Variants in ANKS1B observed in about 807,000 individuals in gnomAD.
ANKS1B encodes the protein ankyrin repeat and sterile alpha motif domain containing 1B, also known as ankyrin repeat and sterile alpha motif domain-containing protein 1B.
A neutral mutation model predicts 148.3 loss-of-function variants in ANKS1B; 36 were observed. The observed-to-expected ratio is 0.24, with a 90% confidence interval of 0.19 to 0.32. The LOEUF is 0.32. ANKS1B is among the 10% of genes least tolerant of loss of function. ANKS1B has a pLI of 1.00. For missense variants in ANKS1B, 1,157 were observed against 1,542.6 expected (o/e 0.75, Z 4.19); for synonymous variants, 542 against 560.8 (o/e 0.97, Z 0.47).
chr12:98,912,439 C>G (rs1455719796), intron 17 of ANKS1B, among the ~76,000 whole-genome samples: 1 of 152,134 alleles, frequency 6.6e-6, no homozygotes, highest in African/African-American at 2.4e-5. Context: ...ACTTTTTCCC[C>G]CTTAAGTCTT....
intron 17 of ANKS1B, among the ~76,000 whole-genome samples, chr12:99,010,566 C>T (rs2153408029): frequency 6.6e-6 from 1 of 152,102 alleles, no homozygotes; most frequent in Middle Eastern, 3.4e-3. Context: ...TACAATATCC[C>T]TATTTTGCAG....
At chr12:99,866,610 C>T (rs2090787673) in intron 1 of ANKS1B, among the ~76,000 whole-genome samples, 1 of 152,136 alleles carries the variant, frequency 6.6e-6, no homozygotes, top group East Asian at 1.9e-4. Flanking sequence ...TACTTCTTAA[C>T]ATTTTCAATG....
At chr12:99,697,851 T>A (rs948906211) in intron 8 of ANKS1B, among the ~76,000 whole-genome samples, 4 of 152,176 alleles carry the variant, frequency 2.6e-5, no homozygotes, top group African/African-American at 9.6e-5. Context: ...ATATGGGAAC[T>A]CTGTACTTTC....
chr12:99,056,524 TA>T (rs1170017905), intron 16 of ANKS1B, among the ~76,000 whole-genome samples: 3 of 152,174 alleles, frequency 2.0e-5, no homozygotes, highest in Admixed American at 2.0e-4. Context: ...TTAGTCTTCC[TA>T]AAAGTCAGAC....
chr12:99,157,876 G>T (rs751744939), intron 14 of ANKS1B, among the ~76,000 whole-genome samples: 2 of 152,096 alleles, frequency 1.3e-5, no homozygotes, highest in Non-Finnish European at 2.9e-5. Context: ...GGTTCAGACT[G>T]CTATATAAGA....
chr12:98,734,940 G>A lies in ANKS1B; in HGVS notation c.*620C>T, dbSNP rs574265054. 2.2e-5 allele frequency: 8 copies of A among 362,172 alleles called. No homozygotes were observed. In the Middle Eastern group the frequency reaches 2.2e-3, roughly 99 times the overall value. The allele number at this position is 362,172 out of a possible 1,614,324, so 22.4% of individuals were successfully genotyped here. A position where few individuals can be genotyped will look rare whatever the true frequency, so the allele number is the denominator to read the frequency against. ...CATCAGGTTTTAAAAAGCCTTGAAT[G>A]GCCCTTGTCTTAAAAAGAAATTAGG... On this transcript the variant is annotated 3_prime_UTR_variant, in exon 10 of 10. Coordinates refer to the ANKS1B transcript ENST00000341752.
At chr12:99,979,799 G>A (rs2095671666) in intron 1 of ANKS1B, among the ~76,000 whole-genome samples, 1 of 152,070 alleles carries the variant, frequency 6.6e-6, no homozygotes, top group South Asian at 2.1e-4. Flanking sequence ...GAACAATGGA[G>A]AGAAATAGCT....
intron 8 of ANKS1B, among the ~76,000 whole-genome samples, chr12:99,690,367 A>G (rs1025922942): frequency 1.6e-4 from 24 of 152,130 alleles, no homozygotes; most frequent in Non-Finnish European, 2.1e-4. Flanking sequence ...ACAGTACCCT[A>G]AAGTCTTAAC....
intron 1 of ANKS1B, among the ~76,000 whole-genome samples, chr12:99,846,004 G>A (rs1443717267): frequency 6.6e-6 from 1 of 151,982 alleles, no homozygotes; most frequent in Admixed American, 6.6e-5. Flanking sequence ...TCCATATATT[G>A]CTCTTTACCT....
intron 26 of ANKS1B, among the ~76,000 whole-genome samples, chr12:98,748,217 A>G (rs2097949502): frequency 6.6e-6 from 1 of 152,206 alleles, no homozygotes; most frequent in South Asian, 2.1e-4. Context: ...AAACAGTCCC[A>G]GAGGTAAGGG....
chr12:98,942,599 T>G (rs781770251), intron 17 of ANKS1B, among the ~76,000 whole-genome samples: 2 of 152,250 alleles, frequency 1.3e-5, no homozygotes, highest in Non-Finnish European at 2.9e-5. Context: ...TACCTGTATA[T>G]GTCTGTGTTC....
At chr12:99,613,845 C>T (rs1157547190) in intron 9 of ANKS1B, among the ~76,000 whole-genome samples, 1 of 151,792 alleles carries the variant, frequency 6.6e-6, no homozygotes, top group Non-Finnish European at 1.5e-5. Context: ...CCTGTACATG[C>T]ACCCCTAAAC....
chr12:99,260,903 T>C (rs973484945), intron 12 of ANKS1B, among the ~76,000 whole-genome samples: 7 of 152,200 alleles, frequency 4.6e-5, no homozygotes, highest in African/African-American at 1.4e-4. Flanking sequence ...AGATCCACTT[T>C]AGCTGAGGTG....
chr12:99,214,834 G>C (rs901454425), intron 14 of ANKS1B, among the ~76,000 whole-genome samples: 2 of 152,168 alleles, frequency 1.3e-5, no homozygotes, highest in Non-Finnish European at 2.9e-5. Flanking sequence ...CTTGTTGAAT[G>C]GTTTTGACCA....
intron 9 of ANKS1B, among the ~76,000 whole-genome samples, chr12:99,545,751 C>CAT (rs890604812): frequency 6.9e-5 from 10 of 144,608 alleles, no homozygotes; most frequent in African/African-American, 1.8e-4. Flanking sequence ...TATACACACA[C>CAT]ATATATATAT....
intron 9 of ANKS1B, among the ~76,000 whole-genome samples, chr12:99,532,046 T>G (rs1050242124): frequency 7.2e-5 from 11 of 151,912 alleles, no homozygotes; most frequent in Non-Finnish European, 1.6e-4. Flanking sequence ...CGGGATTGTT[T>G]TTTTTTTTCT....
intron 5 of ANKS1B, among the ~76,000 whole-genome samples, chr12:99,781,207 A>G (rs2064285152): frequency 6.6e-6 from 1 of 152,150 alleles, no homozygotes; most frequent in Non-Finnish European, 1.5e-5. Flanking sequence ...ATCATTTGTT[A>G]TATCACCACA....
At chr12:98,830,450 C>G (rs1256321447) in intron 18 of ANKS1B, among the ~76,000 whole-genome samples, 1 of 152,104 alleles carries the variant, frequency 6.6e-6, no homozygotes, top group Non-Finnish European at 1.5e-5. Context: ...TAAGCTTGTC[C>G]TCCTGGAGCC....
intron 17 of ANKS1B, among the ~76,000 whole-genome samples, chr12:98,874,833 A>T (rs1414903444): frequency 6.6e-6 from 1 of 152,202 alleles, no homozygotes; most frequent in Non-Finnish European, 1.5e-5. Context: ...CTTGTAATAA[A>T]CTTGAACTGC....
Sources: gnomAD v4.1 joint callset for allele counts (sites outside exome capture counted in the v4.1 genomes callset) on GRCh38, gnomAD v4.1.1 for gene constraint, MANE v1.5 for transcripts, NCBI Gene and HGNC (gene_info 2026-07-23, HGNC 2026-07-21) for gene names.